SAV1: variants seen among roughly 807,000 people sequenced by gnomAD.
SAV1 encodes protein salvador homolog 1.
In SAV1, 23 loss-of-function variants were observed where a neutral mutation model predicts 47.3. The ratio of observed to expected loss-of-function variants is 0.49; its 90% CI spans 0.35 to 0.69. The LOEUF (loss-of-function observed/expected upper bound fraction) is 0.69. Ranked by LOEUF, SAV1 falls within the 30% of genes least tolerant of loss-of-function variation. SAV1 has a pLI of 0.01. For missense variants in SAV1, 448 were observed against 457.4 expected (o/e 0.98, Z 0.19); for synonymous variants, 155 against 159.2 (o/e 0.97, Z 0.20).
chr14:50,640,620 T>A (rs2039673025), intron 4 of SAV1, 130 bp downstream of exon 4: 1 of 621,636 alleles, frequency 1.6e-6, no homozygotes, highest in African/African-American at 1.9e-5. Flanking sequence ...TTTATTCAAG[T>A]CACGTATTAC....
intron 4 of SAV1, among the ~76,000 whole-genome samples, chr14:50,636,331 A>C (rs2039634351): frequency 8.6e-6 from 1 of 115,944 alleles, no homozygotes; most frequent in Non-Finnish European, 2.0e-5. Context: ...TCACAACAGC[A>C]AACAAGGAAC....
Position 50,665,260 on chromosome 14 carries a change from C to G in SAV1, c.454G>C (p.Ala152Pro). 1.2e-6 allele frequency: 2 copies of G among 1,613,780 alleles called. No homozygotes were observed. Among genetic ancestry groups the G allele is most frequent in the Non-Finnish European group, 1.7e-6 (2 of 1,179,784 alleles). ...GQRKRPLGDR[A>P]HEDYRYYEYN... Reference sequence around the variant, plus strand: ...TCATAATATCTGTAGTCTTCATGTGCACGATCTCCAAGTGGCCGCTTTCTC... The same window carrying G: ...TCATAATATCTGTAGTCTTCATGTGGACGATCTCCAAGTGGCCGCTTTCTC... Residue 152 changes from alanine (A) to proline (P), a missense_variant, in exon 2 of 5, where the codon GCA (alanine) becomes CCA (proline). Ala to Pro is a conservative substitution (Grantham distance 27). Transcript: ENST00000324679.
At chr14:50,664,152 T>C (rs142243671) in intron 2 of SAV1, 6 of 152,334 alleles carry the variant, frequency 3.9e-5, no homozygotes, top group Admixed American at 6.5e-5. Flanking sequence ...TCTGTGACCA[T>C]TGTGTATAGA....
At chr14:50,640,110 A>G (rs2039669557) in intron 4 of SAV1, among the ~76,000 whole-genome samples, 1 of 152,128 alleles carries the variant, frequency 6.6e-6, no homozygotes, top group Non-Finnish European at 1.5e-5. Flanking sequence ...TAGCCTCCCA[A>G]GTAGCTGAGA....
intron 1 of SAV1, chr14:50,667,390 G>A (rs561231860): frequency 2.2e-6 from 1 of 455,882 alleles, no homozygotes; most frequent in East Asian, 7.0e-5. Flanking sequence ...ACCTTCTCAA[G>A]TCTGCATCCG....
intron 2 of SAV1, among the ~76,000 whole-genome samples, chr14:50,658,416 G>C (rs1002286989): frequency 6.6e-6 from 1 of 152,154 alleles, no homozygotes; most frequent in African/African-American, 2.4e-5. Context: ...CATACAGTAA[G>C]TGCGTGACTG....
rs985578085 is a variant in SAV1, at chr14:50,633,829, A to C, written c.*1354T>G. On this transcript the variant is annotated 3_prime_UTR_variant, in exon 5 of 5. Transcript: ENST00000324679. ...ATATAACTGAAGAACTACTTCAAAT[A>C]ATGTTGAAATTCACAGAATTCTAGA... The C allele has an allele frequency of 6.5e-6, 1 of 154,620 alleles. No homozygotes were observed. The highest frequency in any genetic ancestry group is 1.4e-5 in the Non-Finnish European group (1 of 69,362). 9.6% of individuals were successfully genotyped at this position (154,620 alleles called of 1,614,324 possible).
intron 4 of SAV1, among the ~76,000 whole-genome samples, chr14:50,639,048 T>A (rs1343856163): frequency 1.3e-5 from 2 of 152,246 alleles, no homozygotes; most frequent in African/African-American, 4.8e-5. Flanking sequence ...ATTACAGGCA[T>A]GAGCCGCCGC....
Position 50,665,612 on chromosome 14 carries a change from C to T in SAV1, c.102G>A (p.Met34Ile). ...TTGGACCATGCCGGATGAATGAAGGCATAAGATCTACAATAAAACAAAGGA... is the reference window on the plus strand; with the variant it reads ...TTGGACCATGCCGGATGAATGAAGGTATAAGATCTACAATAAAACAAAGGA... Reference protein sequence around the residue: ...KETSPLLRNLMPSFIRHGPTI... With the variant: ...KETSPLLRNLIPSFIRHGPTI... Residue 34 changes from methionine (M) to isoleucine (I), a missense_variant, in exon 2 of 5, where the codon ATG becomes ATA. Transcript: ENST00000324679. The T allele has an allele frequency of 1.9e-6, 3 of 1,596,602 alleles. No individual in the cohort carries two copies. Among genetic ancestry groups the T allele is most frequent in the Non-Finnish European group, 2.6e-6 (3 of 1,172,092 alleles).
At position 50,668,260 on chromosome 14, in the gene SAV1, G is replaced by A. The variant is rs910708022; in HGVS notation, c.-293C>T. ...GGAAAGCCCAGCGACGCCGGGCCAG[G>A]GCCAGGGCCATGGTCCGCCGCGGGC... On this transcript the variant is annotated 5_prime_UTR_variant, in exon 1 of 5. Transcript: ENST00000324679. The A allele has an allele frequency of 5.3e-6, 1 of 189,612 alleles. No individual in the cohort carries two copies. The highest frequency in any genetic ancestry group is 1.3e-4 in the East Asian group (1 of 7,682). 11.7% of individuals were successfully genotyped at this position (189,612 alleles called of 1,614,324 possible). A position where few individuals can be genotyped will look rare whatever the true frequency, so the allele number is the denominator to read the frequency against.
intron 2 of SAV1, among the ~76,000 whole-genome samples, chr14:50,645,371 T>C (rs2039713515): frequency 6.6e-6 from 1 of 152,142 alleles, no homozygotes. Context: ...AGCAGAAAAT[T>C]CCACACCTGA....
intron 2 of SAV1, among the ~76,000 whole-genome samples, chr14:50,656,297 G>C (rs1034784166): frequency 6.6e-6 from 1 of 152,092 alleles, no homozygotes; most frequent in Non-Finnish European, 1.5e-5. Flanking sequence ...ATTTGATAAA[G>C]GAGCCATGAA....
chr14:50,661,378 CT>C (rs1437478824), intron 2 of SAV1, among the ~76,000 whole-genome samples: 1 of 152,214 alleles, frequency 6.6e-6, no homozygotes, highest in African/African-American at 2.4e-5. Flanking sequence ...TTTGCAAACA[CT>C]TTCTCCTATT....
intron 4 of SAV1, among the ~76,000 whole-genome samples, chr14:50,636,583 T>C (rs1425797980): frequency 6.6e-6 from 1 of 152,194 alleles, no homozygotes; most frequent in Non-Finnish European, 1.5e-5. Flanking sequence ...GATCCCTGCT[T>C]AGCAGTAGTA....
rs2039615815 is a variant in SAV1, at chr14:50,634,497, C to G, written c.*686G>C. ...CCAAGTAGCTGGGACTAGAGGCACA[C>G]ACCATCATACCCGGCTAATTTTTTT... On this transcript the variant is annotated 3_prime_UTR_variant, in exon 5 of 5. Transcript: ENST00000324679. 2 of 178,480 alleles carry G rather than the reference C, an allele frequency of 1.1e-5. No individual in the cohort carries two copies. Among genetic ancestry groups the G allele is most frequent in the African/African-American group, 2.4e-5 (1 of 42,018 alleles). 11.1% of individuals were successfully genotyped at this position (178,480 alleles called of 1,614,324 possible).
At chr14:50,664,191 A>G (rs888740553) in intron 2 of SAV1, 2 of 152,210 alleles carry the variant, frequency 1.3e-5, no homozygotes, top group Non-Finnish European at 2.9e-5. Context: ...ATAAGGTACT[A>G]GACAAATAAG....
At chr14:50,667,834 C>CCAG in intron 1 of SAV1, 40 bp downstream of exon 1, 1 of 1,578,330 alleles carries the variant, frequency 6.3e-7, no homozygotes, top group Non-Finnish European at 8.7e-7. Flanking sequence ...AGCACCTGGC[C>CCAG]GCCTGGGCCA....
intron 4 of SAV1, 147 bp from the exon 5 acceptor site, chr14:50,635,531 G>C (rs534765953): frequency 5.3e-4 from 377 of 717,224 alleles, no homozygotes; most frequent in Middle Eastern, 1.6e-3. Flanking sequence ...GGGCACAGTG[G>C]TGGCGCCTAT....
rs1281538472 is a variant in SAV1 at position 50,667,412 on chromosome 14, A to G, written c.94+462T>C. ...CAAGTCTGCATCCGGCAGCAGGACT[A>G]AGGAATTCTGCCCCAGAGTTCGCAC... On this transcript the variant is annotated intron_variant, in intron 1 of 4. Coordinates refer to ENST00000324679, the MANE Select transcript of SAV1 (RefSeq NM_021818.4). 3.3e-5 allele frequency: 15 copies of G among 456,026 alleles called. No individual in the cohort carries two copies. In the East Asian group the frequency reaches 9.0e-4, roughly 27 times the overall value. The allele number at this position is 456,026 out of a possible 1,614,324, so 28.2% of individuals were successfully genotyped here.
Sources: gnomAD v4.1 joint callset for allele counts (sites outside exome capture counted in the v4.1 genomes callset) on GRCh38, gnomAD v4.1.1 for gene constraint, MANE v1.5 for transcripts, NCBI Gene and HGNC (gene_info 2026-07-23, HGNC 2026-07-21) for gene names.